SLC1A3: variants seen among roughly 807,000 people sequenced by gnomAD.
SLC1A3 encodes the protein solute carrier family 1 member 3, also known as excitatory amino acid transporter 1.
SLC1A3 carries 21 observed loss-of-function variants against 48.1 expected under a neutral mutation model. The observed-to-expected ratio is 0.44, with a 90% CI of 0.31 to 0.63. The LOEUF is 0.63. SLC1A3 is among the 20% of genes least tolerant of loss of function. The pLI, the probability that SLC1A3 is intolerant of heterozygous loss-of-function variation, is 0.08. For missense variants in SLC1A3, 546 were observed against 689.0 expected, an observed-to-expected ratio of 0.79 and a Z score of 2.32; for synonymous variants, 239 against 251.4, an observed-to-expected ratio of 0.95 and a Z score of 0.47.
intron 3 of SLC1A3, among the ~76,000 whole-genome samples, chr5:36,661,294 C>A (rs1358894147): frequency 3.9e-5 from 6 of 152,122 alleles, no homozygotes; most frequent in Non-Finnish European, 8.8e-5. Flanking sequence ...CACCTGTAAT[C>A]CCAGCTACTT....
chr5:36,662,909 C>T (rs1432820320), intron 3 of SLC1A3, among the ~76,000 whole-genome samples: 3 of 152,222 alleles, frequency 2.0e-5, no homozygotes, highest in Non-Finnish European at 4.4e-5. Context: ...CCGGGAGAGG[C>T]AGTCTCCACC....
intron 1 of SLC1A3, among the ~76,000 whole-genome samples, chr5:36,601,015 T>C (rs1237103971): frequency 2.6e-5 from 4 of 152,244 alleles, no homozygotes; most frequent in Non-Finnish European, 4.4e-5. Flanking sequence ...TGCCTGTTTC[T>C]GACTTACAAT....
intron 2 of SLC1A3, among the ~76,000 whole-genome samples, chr5:36,618,442 C>T (rs746194770): frequency 4.6e-5 from 7 of 152,130 alleles, no homozygotes; most frequent in Non-Finnish European, 7.3e-5. Context: ...AGGATCACCC[C>T]GCTCCCAGGC....
At position 36,688,305 on chromosome 5, in the gene SLC1A3, T is replaced by A. The variant is rs1220481118; in HGVS notation, c.*2036T>A. On this transcript the variant is annotated 3_prime_UTR_variant, in exon 10 of 10. Coordinates refer to ENST00000265113, the MANE Select transcript of SLC1A3 (RefSeq NM_004172.5). ...GAAGCATTACTTTGTAGATGTATTT[T>A]CAATAAAGAAAAAAATAGTTTTACA... The A allele has an allele frequency of 1.3e-5, 2 of 152,256 alleles. No individual in the cohort carries two copies. The highest frequency in any genetic ancestry group is 3.8e-4 in the East Asian group (2 of 5,202). 9.4% of individuals were successfully genotyped at this position (152,256 alleles called of 1,614,324 possible). A position where few individuals can be genotyped will look rare whatever the true frequency, so the allele number is the denominator to read the frequency against.
intron 3 of SLC1A3, among the ~76,000 whole-genome samples, chr5:36,656,220 T>C (rs144898111): frequency 9.8e-5 from 15 of 152,332 alleles, no homozygotes; most frequent in Middle Eastern, 3.4e-3. Context: ...TGAAAGGTCA[T>C]TGTTATTATT....
chr5:36,642,726 G>A (rs140687008), intron 3 of SLC1A3, among the ~76,000 whole-genome samples: 2 of 152,060 alleles, frequency 1.3e-5, no homozygotes, highest in East Asian at 3.9e-4. Flanking sequence ...ATTCCCCCAA[G>A]CCCTCAGCCC....
intron 2 of SLC1A3, among the ~76,000 whole-genome samples, chr5:36,611,805 T>A (rs1399625053): frequency 2.2e-5 from 3 of 138,014 alleles, no homozygotes; most frequent in African/African-American, 8.5e-5. Flanking sequence ...TAGAGTGACC[T>A]CAGACATCTA....
intron 3 of SLC1A3, among the ~76,000 whole-genome samples, chr5:36,663,101 G>A (rs1428433157): frequency 6.6e-6 from 1 of 152,146 alleles, no homozygotes; most frequent in East Asian, 1.9e-4. Flanking sequence ...TGATTTAGTT[G>A]ACTTTTTCTG....
intron 2 of SLC1A3, among the ~76,000 whole-genome samples, chr5:36,622,845 A>G (rs1009211165): frequency 1.2e-5 from 1 of 85,112 alleles, no homozygotes; most frequent in Non-Finnish European, 2.6e-5. Flanking sequence ...CCCCGTCACT[A>G]AAAAAAAATA....
At chr5:36,639,681 C>A (rs184549848) in intron 3 of SLC1A3, among the ~76,000 whole-genome samples, 3 of 152,338 alleles carry the variant, frequency 2.0e-5, no homozygotes, top group African/African-American at 7.2e-5. Context: ...CTGTTTTCTC[C>A]TACTCCTTCA....
At chr5:36,678,344 C>T (rs994785648) in intron 6 of SLC1A3, among the ~76,000 whole-genome samples, 1 of 152,192 alleles carries the variant, frequency 6.6e-6, no homozygotes, top group Admixed American at 6.5e-5. Context: ...GAAACCCTGG[C>T]AGGAATGAAA....
intron 2 of SLC1A3, among the ~76,000 whole-genome samples, chr5:36,626,414 A>T (rs938993970): frequency 6.6e-6 from 1 of 150,540 alleles, no homozygotes; most frequent in Non-Finnish European, 1.5e-5. Context: ...ATATTACTGT[A>T]TGTAAGTAAG....
intron 2 of SLC1A3, among the ~76,000 whole-genome samples, chr5:36,610,201 C>T (rs1026959565): frequency 2.6e-5 from 4 of 152,200 alleles, no homozygotes; most frequent in African/African-American, 9.6e-5. Context: ...TCTTCCTCTG[C>T]TCTGCTGCTA....
At chr5:36,658,305 G>A (rs1376196538) in intron 3 of SLC1A3, among the ~76,000 whole-genome samples, 1 of 152,118 alleles carries the variant, frequency 6.6e-6, no homozygotes, top group Admixed American at 6.5e-5. Flanking sequence ...TGAGAAGTCT[G>A]GGTTGCCTGG....
intron 2 of SLC1A3, among the ~76,000 whole-genome samples, chr5:36,612,102 G>C (rs1579945085): frequency 2.1e-5 from 3 of 142,558 alleles, no homozygotes; most frequent in African/African-American, 7.7e-5. Flanking sequence ...CACACACACA[G>C]AGTTTGCATT....
Position 36,608,865 on chromosome 5 carries a change from A to G in SLC1A3, c.181+261A>G, listed in dbSNP as rs1051135645. On this transcript the variant is annotated intron_variant, in intron 2 of 9. Transcript: ENST00000265113. ...AGAAAAATAAATAAAATATTTTCCC[A>G]TTTCATGTAAGGATAAGGAAGTGAT... 2.5e-6 allele frequency: 3 copies of G among 1,213,338 alleles called. No homozygotes were observed. The African/African-American group carries it at 4.6e-5, about 19-fold the overall frequency. The allele number at this position is 1,213,338 out of a possible 1,614,324, so 75.2% of individuals were successfully genotyped here. A position where few individuals can be genotyped will look rare whatever the true frequency, so the allele number is the denominator to read the frequency against.
intron 3 of SLC1A3, among the ~76,000 whole-genome samples, chr5:36,647,102 A>G (rs1181953398): frequency 6.6e-6 from 1 of 152,346 alleles, no homozygotes; most frequent in Non-Finnish European, 1.5e-5. Context: ...CTAATAAAAT[A>G]TAGGTCTCAT....
intron 3 of SLC1A3, among the ~76,000 whole-genome samples, chr5:36,646,641 G>T (rs1339905045): frequency 6.6e-6 from 1 of 152,160 alleles, no homozygotes; most frequent in Non-Finnish European, 1.5e-5. Context: ...CTCAGTGTGT[G>T]TTAGAGAGGC....
At chr5:36,684,767 G>A (rs186473686) in intron 9 of SLC1A3, among the ~76,000 whole-genome samples, 2 of 152,304 alleles carry the variant, frequency 1.3e-5, no homozygotes, top group Admixed American at 1.3e-4. Flanking sequence ...CAGACTGGGC[G>A]AGAGGATTCA....
Sources: gnomAD v4.1 joint callset for allele counts (sites outside exome capture counted in the v4.1 genomes callset) on GRCh38, gnomAD v4.1.1 for gene constraint, MANE v1.5 for transcripts, NCBI Gene and HGNC (gene_info 2026-07-23, HGNC 2026-07-21) for gene names.